TENM3: variants seen among roughly 807,000 people sequenced by gnomAD.
The protein encoded by TENM3 is teneurin transmembrane protein 3.
A neutral mutation model predicts 255.1 loss-of-function variants in TENM3; 63 were observed. The ratio of observed to expected loss-of-function variants is 0.25; its 90% CI spans 0.20 to 0.30. The LOEUF (loss-of-function observed/expected upper bound fraction) is 0.30, where lower values mean the gene tolerates loss of function less well. Among genes scored for constraint, TENM3 ranks in the 10% least tolerant of loss-of-function variants. TENM3 has a pLI of 1.00. For missense variants in TENM3, 2,929 were observed against 3,461.1 expected, an observed-to-expected ratio of 0.85 and a Z score of 3.86; for synonymous variants, 1,306 against 1,322.3, an observed-to-expected ratio of 0.99 and a Z score of 0.27.
At chr4:181,531,287 A>T in the TENM3 span, among the ~76,000 whole-genome samples, 1 of 152,306 alleles carries the variant, frequency 6.6e-6, no homozygotes, top group African/African-American at 2.4e-5. Flanking sequence ...AAAAATAAAT[A>T]CATAAAAGTT....
the TENM3 span, among the ~76,000 whole-genome samples, chr4:181,934,898 G>T: frequency 6.6e-6 from 1 of 152,210 alleles, no homozygotes; most frequent in South Asian, 2.1e-4. Flanking sequence ...GAAAAAAATT[G>T]TTTTAAGTTG....
intron 24 of TENM3, among the ~76,000 whole-genome samples, chr4:182,787,015 C>G (rs72997192): frequency 0.15 from 22,917 of 151,834 alleles, 2,407 homozygotes; most frequent in African/African-American, 0.27. Context: ...CCATTTATCA[C>G]TTTGATACAA....
chr4:182,173,564 C>G (rs1199037140), intron 1 of TENM3, among the ~76,000 whole-genome samples: 1 of 152,098 alleles, frequency 6.6e-6, no homozygotes, highest in Admixed American at 6.5e-5. Context: ...AGGTCAGGTG[C>G]ACGGATATAA....
At chr4:182,144,058 A>G (rs745422148), upstream of TENM3, 7 of 152,688 alleles carry the variant, frequency 4.6e-5, no homozygotes, top group Non-Finnish European at 7.3e-5. Flanking sequence ...TGTCATCTTG[A>G]CAAGTGGCGG....
chr4:181,707,783 T>C, the TENM3 span, among the ~76,000 whole-genome samples: 3 of 152,224 alleles, frequency 2.0e-5, no homozygotes, highest in Non-Finnish European at 2.9e-5. Flanking sequence ...TTATTAAGGA[T>C]TTGTTGGTCT....
chr4:182,430,273 G>T (rs1234310699), intron 3 of TENM3, among the ~76,000 whole-genome samples: 2 of 152,240 alleles, frequency 1.3e-5, no homozygotes, highest in African/African-American at 4.8e-5. Flanking sequence ...TGTAGGCCGG[G>T]CGCAGTGGCT....
the TENM3 span, among the ~76,000 whole-genome samples, chr4:181,727,421 T>G: frequency 6.6e-6 from 1 of 152,152 alleles, no homozygotes; most frequent in Non-Finnish European, 1.5e-5. Context: ...AAAGATATTC[T>G]CTAGTCACTT....
the TENM3 span, among the ~76,000 whole-genome samples, chr4:181,621,727 C>T: frequency 6.6e-6 from 1 of 152,204 alleles, no homozygotes; most frequent in Non-Finnish European, 1.5e-5. Flanking sequence ...AAGATAGGTT[C>T]GTGGAGTCAA....
intron 13 of TENM3, among the ~76,000 whole-genome samples, chr4:182,726,397 GT>G (rs1408870327): frequency 9.5e-5 from 1 of 10,578 alleles, no homozygotes; most frequent in African/African-American, 3.3e-4. Context: ...TGACCTGTTA[GT>G]TTTTGCTCCA....
intron 6 of TENM3, among the ~76,000 whole-genome samples, chr4:182,669,549 C>A (rs184573941): frequency 6.6e-6 from 1 of 151,976 alleles, no homozygotes; most frequent in Admixed American, 6.6e-5. Flanking sequence ...GGATTACAGG[C>A]GTGAGCCACC....
At chr4:182,246,054 T>C (rs1757621269) in intron 1 of TENM3, among the ~76,000 whole-genome samples, 1 of 152,182 alleles carries the variant, frequency 6.6e-6, no homozygotes, top group African/African-American at 2.4e-5. Flanking sequence ...AAGAGCTCAC[T>C]TGTCTCTTAT....
chr4:181,803,426 A>G, the TENM3 span, among the ~76,000 whole-genome samples: 1 of 152,204 alleles, frequency 6.6e-6, no homozygotes. Context: ...AGTTAAAGGC[A>G]TCACAAATAA....
the TENM3 span, among the ~76,000 whole-genome samples, chr4:181,888,525 T>TATATATATATATATAC: frequency 2.0e-5 from 2 of 99,868 alleles, no homozygotes; most frequent in African/African-American, 1.0e-4. Flanking sequence ...TGTATATATA[T>TATATATATATATATAC]ACATATATGT....
chr4:181,863,017 A>G, the TENM3 span, among the ~76,000 whole-genome samples: 1 of 152,296 alleles, frequency 6.6e-6, no homozygotes, highest in East Asian at 1.9e-4. Flanking sequence ...ACGCATGAAA[A>G]ATGTTAATAC....
chr4:182,063,008 G>C, the TENM3 span, among the ~76,000 whole-genome samples: 1 of 152,192 alleles, frequency 6.6e-6, no homozygotes, highest in Non-Finnish European at 1.5e-5. Context: ...TGTACTTAAA[G>C]AAGCAGATAT....
chr4:182,743,106 A>G lies in TENM3; in HGVS notation c.3380-64A>G, dbSNP rs944093575. On this transcript the variant is annotated intron_variant, in intron 18 of 27. Transcript: ENST00000511685. ...AATTATAGTTAAAACAATCATGAAC[A>G]TGTTTGCTTTTCATCTTTACACTTT... is the stretch of plus-strand genomic sequence containing the variant. The G allele has an allele frequency of 6.0e-6, 9 of 1,502,392 alleles. No homozygotes were observed. The East Asian group carries it at 6.9e-5, about 11-fold the overall frequency. 93.1% of individuals were successfully genotyped at this position (1,502,392 alleles called of 1,614,324 possible).
the TENM3 span, among the ~76,000 whole-genome samples, chr4:182,029,988 T>C: frequency 1.4e-5 from 2 of 145,028 alleles, no homozygotes; most frequent in Non-Finnish European, 3.0e-5. Context: ...ACCTTCTGCA[T>C]GCATCTCTCT....
the TENM3 span, among the ~76,000 whole-genome samples, chr4:181,770,942 A>G: frequency 2.6e-5 from 4 of 152,206 alleles, no homozygotes; most frequent in African/African-American, 9.7e-5. Context: ...CCTTTGAGGA[A>G]GATACTATTG....
the TENM3 span, among the ~76,000 whole-genome samples, chr4:181,936,169 A>G: frequency 1.3e-5 from 2 of 152,270 alleles, no homozygotes; most frequent in South Asian, 4.1e-4. Flanking sequence ...AGGTGGGTGG[A>G]TCACCTGAGG....
Sources: gnomAD v4.1 joint callset for allele counts (sites outside exome capture counted in the v4.1 genomes callset) on GRCh38, gnomAD v4.1.1 for gene constraint, MANE v1.5 for transcripts, NCBI Gene and HGNC (gene_info 2026-07-23, HGNC 2026-07-21) for gene names.